HOOK3: variants seen among roughly 807,000 people sequenced by gnomAD.
HOOK3 encodes protein Hook homolog 3.
A neutral mutation model predicts 116.3 loss-of-function variants in HOOK3; 24 were observed. The ratio of observed to expected loss-of-function variants is 0.21; its 90% CI spans 0.15 to 0.29. HOOK3 has a LOEUF of 0.29. HOOK3 is among the 10% of genes least tolerant of loss of function. The pLI, the probability that HOOK3 is intolerant of heterozygous loss-of-function variation, is 1.00. For synonymous variants in HOOK3, 275 were observed against 283.0 expected, an observed-to-expected ratio of 0.97 and a Z score of 0.28; for missense variants, 632 against 830.2, an observed-to-expected ratio of 0.76 and a Z score of 2.93.
intron 11 of HOOK3, among the ~76,000 whole-genome samples, chr8:42,970,782 C>CTTTTTT (rs764513803): frequency 8.5e-5 from 8 of 93,886 alleles, no homozygotes; most frequent in South Asian, 3.4e-4. Flanking sequence ...GAATTTGGGT[C>CTTTTTT]TTTTTTTTTT....
chr8:43,003,725 A>G lies in HOOK3; in HGVS notation c.1655+1584A>G, dbSNP rs928067702. ...TTCCTTCTTGAGGTTTGGAGGGACA[A>G]TCTGCTCTGTGATCCTTCTTGTGGC... is the stretch of plus-strand genomic sequence containing the variant. On this transcript the variant is annotated intron_variant, in intron 17 of 21. Transcript: ENST00000307602. Among the ~76,000 whole-genome samples the G allele has an allele frequency of 3.3e-5, 5 of 152,156 alleles. No homozygotes were observed. The East Asian group carries it at 5.8e-4, about 18-fold the overall frequency.
At chr8:42,965,705 A>G (rs1808621202) in intron 9 of HOOK3, among the ~76,000 whole-genome samples, 1 of 152,144 alleles carries the variant, frequency 6.6e-6, no homozygotes, top group Non-Finnish European at 1.5e-5. Context: ...TGGTAACATA[A>G]CTATTCTTGT....
chr8:42,958,323 A>G (rs1343997632), intron 7 of HOOK3, among the ~76,000 whole-genome samples: 3 of 151,900 alleles, frequency 2.0e-5, no homozygotes, highest in African/African-American at 7.3e-5. Context: ...ATTTTTTTTT[A>G]TCTACCACAC....
intron 14 of HOOK3, among the ~76,000 whole-genome samples, chr8:42,983,370 C>A (rs533096495): frequency 6.6e-6 from 1 of 151,552 alleles, no homozygotes; most frequent in African/African-American, 2.4e-5. Flanking sequence ...GCTAACCACA[C>A]GGAAAGGTCT....
At chr8:42,938,782 C>A (rs1207299033) in intron 4 of HOOK3, among the ~76,000 whole-genome samples, 1 of 151,794 alleles carries the variant, frequency 6.6e-6, no homozygotes, top group Non-Finnish European at 1.5e-5. Context: ...TTGGCAGGGT[C>A]ACAGGACAAT....
chr8:42,980,048 C>T (rs1479257999), intron 13 of HOOK3, among the ~76,000 whole-genome samples: 1 of 151,214 alleles, frequency 6.6e-6, no homozygotes, highest in East Asian at 1.9e-4. Context: ...ACTGCAACCT[C>T]CACCTCCCAG....
At chr8:42,994,278 A>G (rs948386351) in intron 15 of HOOK3, among the ~76,000 whole-genome samples, 6 of 148,794 alleles carry the variant, frequency 4.0e-5, no homozygotes, top group Admixed American at 4.0e-4. Context: ...GGCCTCCCAA[A>G]GTGCTGGGGT....
chr8:42,968,319 CCTTTT>C, intron 11 of HOOK3, 105 bp downstream of exon 11: 1 of 784,548 alleles, frequency 1.3e-6, no homozygotes, highest in Non-Finnish European at 2.1e-6. Context: ...CTGTTTTTTA[CCTTTT>C]CTTTATTGTA....
intron 17 of HOOK3, among the ~76,000 whole-genome samples, chr8:43,003,460 T>C (rs1809415328): frequency 6.6e-6 from 1 of 152,186 alleles, no homozygotes; most frequent in African/African-American, 2.4e-5. Context: ...TTCTCATTCC[T>C]TTATGGCAAA....
Position 43,006,776 on chromosome 8 carries a change from A to G in HOOK3, c.1656-1071A>G, listed in dbSNP as rs559942971. 9.2e-5 allele frequency among the ~76,000 whole-genome samples: 14 copies of G among 152,304 alleles called. 1 individual carries two copies. The highest frequency in any genetic ancestry group is 3.4e-4 in the African/African-American group (14 of 41,574). ...GAGAAAGAAAAAGGTTTATTAAAGC[A>G]TCATGCATAGAAAAGATCAGAAAGA... On this transcript the variant is annotated intron_variant, in intron 17 of 21. Transcript: ENST00000307602.
intron 9 of HOOK3, among the ~76,000 whole-genome samples, chr8:42,965,245 G>A (rs1586612869): frequency 1.3e-5 from 2 of 152,154 alleles, no homozygotes; most frequent in African/African-American, 2.4e-5. Flanking sequence ...GCACATCTTC[G>A]GGAAGGGCCA....
chr8:42,997,476 C>T, intron 15 of HOOK3, 74 bp from the exon 16 acceptor site: 2 of 855,966 alleles, frequency 2.3e-6, no homozygotes, highest in Admixed American at 4.8e-5. Flanking sequence ...TACTTTCTAA[C>T]TAATATGACA....
chr8:42,968,621 T>C (rs1282972183), intron 11 of HOOK3, among the ~76,000 whole-genome samples: 1 of 152,226 alleles, frequency 6.6e-6, no homozygotes, highest in African/African-American at 2.4e-5. Context: ...TGAGCCACTG[T>C]GAGCCACCAT....
intron 11 of HOOK3, among the ~76,000 whole-genome samples, chr8:42,972,608 C>T (rs963207058): frequency 7.2e-5 from 11 of 152,134 alleles, no homozygotes; most frequent in African/African-American, 2.7e-4. Context: ...ACTATGCTGC[C>T]TTGTCTGGTC....
chr8:42,956,265 T>TGTGTGTGTG (rs1554512121), intron 6 of HOOK3, among the ~76,000 whole-genome samples: 8 of 149,216 alleles, frequency 5.4e-5, no homozygotes, highest in Non-Finnish European at 7.4e-5. Flanking sequence ...TGTGTGTGTG[T>TGTGTGTGTG]TATCATTAAA....
chr8:42,929,024 C>T (rs996257919), intron 3 of HOOK3, among the ~76,000 whole-genome samples: 9 of 151,990 alleles, frequency 5.9e-5, no homozygotes, highest in African/African-American at 1.7e-4. Context: ...CCTGCCTGGG[C>T]AACAGAGGGA....
In HOOK3 at chr8:43,029,618, G is replaced by A. The variant is rs1251922645; in HGVS notation, c.*11120G>A. 4.2e-5 allele frequency: 8 copies of A among 191,398 alleles called. No individual in the cohort carries two copies. Among genetic ancestry groups the A allele is most frequent in the Non-Finnish European group, 8.7e-5 (8 of 91,650 alleles). The allele number at this position is 191,398 out of a possible 1,614,324, so 11.9% of individuals were successfully genotyped here. A position where few individuals can be genotyped will look rare whatever the true frequency, so the allele number is the denominator to read the frequency against. ...TTGCAGTTTTCATGTTTTGACAATTGCCCACCATTTACAATACTCAATTTT... is the reference window on the plus strand; with the variant it reads ...TTGCAGTTTTCATGTTTTGACAATTACCCACCATTTACAATACTCAATTTT... On this transcript the variant is annotated 3_prime_UTR_variant, in exon 22 of 22. Transcript: ENST00000307602.
intron 14 of HOOK3, 62 bp downstream of exon 14, chr8:42,982,758 C>A: frequency 9.7e-7 from 1 of 1,029,778 alleles, no homozygotes; most frequent in Non-Finnish European, 1.5e-6. Context: ...ACGTACTTCT[C>A]TACAATATGA....
At chr8:42,906,145 T>TTCCC (rs371943831) in intron 1 of HOOK3, 28 bp from the exon 2 acceptor site, 2 of 536,894 alleles carry the variant, frequency 3.7e-6, no homozygotes, top group African/African-American at 2.7e-5. Flanking sequence ...ACAGAATCTC[T>TTCCC]CCCCCCCCCC....
Sources: gnomAD v4.1 joint callset for allele counts (sites outside exome capture counted in the v4.1 genomes callset) on GRCh38, gnomAD v4.1.1 for gene constraint, MANE v1.5 for transcripts, NCBI Gene and HGNC (gene_info 2026-07-23, HGNC 2026-07-21) for gene names.